Variants in NTAN1 observed in about 807,000 individuals in gnomAD.
NTAN1 encodes the protein N-terminal asparagine amidase.
Under a neutral mutation model 41.9 loss-of-function variants are expected in NTAN1, and 32 were observed. That is an observed-to-expected ratio of 0.76 (90% CI 0.58 to 1.03). The LOEUF is 1.03. Ranked by LOEUF, NTAN1 falls within the 50% of genes least tolerant of loss-of-function variation. NTAN1 has a pLI of 0.00. For missense variants in NTAN1, 377 were observed against 377.5 expected (o/e 1.00, Z 0.01); for synonymous variants, 140 against 139.5 (o/e 1.00, Z -0.03).
chr16:15,048,545 G>A (rs1426021787), intron 1 of NTAN1, among the ~76,000 whole-genome samples: 1 of 151,918 alleles, frequency 6.6e-6, no homozygotes, highest in African/African-American at 2.4e-5. Context: ...TAAAGAGTGT[G>A]AGACTCTTAA....
chr16:15,044,434 G>C (rs1567761149), intron 4 of NTAN1, 27 bp from the exon 5 acceptor site: 4 of 1,543,518 alleles, frequency 2.6e-6, no homozygotes, highest in Non-Finnish European at 3.6e-6. Context: ...ACGGGTCAGA[G>C]GCCAGAAGAA....
rs551523961 is a variant in NTAN1, at chr16:15,053,220, T to C, written c.81+2671A>G. ...CAAGGGCAGGCTGCCAGGGTTCCAATCCTGGCTTCACCACTCCCAGGATGT... is the reference window on the plus strand; with the variant it reads ...CAAGGGCAGGCTGCCAGGGTTCCAACCCTGGCTTCACCACTCCCAGGATGT... On this transcript the variant is annotated intron_variant, in intron 1 of 9. Transcript: ENST00000287706. Among the ~76,000 whole-genome samples the C allele has an allele frequency of 3.3e-5, 5 of 152,372 alleles. No individual in the cohort carries two copies. The East Asian group carries it at 9.6e-4, about 29-fold the overall frequency.
At chr16:15,042,084 C>T (rs1038603901) in intron 5 of NTAN1, among the ~76,000 whole-genome samples, 2 of 152,114 alleles carry the variant, frequency 1.3e-5, no homozygotes, top group African/African-American at 2.4e-5. Context: ...ATAAGGAAGT[C>T]GGTTTTTAAT....
intron 1 of NTAN1, 59 bp downstream of exon 1, chr16:15,055,832 G>T (rs1338814309): frequency 2.1e-6 from 2 of 935,960 alleles, no homozygotes; most frequent in Admixed American, 4.3e-5. Flanking sequence ...GGGGGCGCTA[G>T]CCCGCCCTGC....
At chr16:15,051,010 G>A (rs2044271196) in intron 1 of NTAN1, among the ~76,000 whole-genome samples, 1 of 152,236 alleles carries the variant, frequency 6.6e-6, no homozygotes, top group Admixed American at 6.5e-5. Flanking sequence ...ACAGGTGACA[G>A]CCTCTCATTT....
Position 15,049,691 on chromosome 16 carries a change from G to A in NTAN1, c.82-1592C>T, listed in dbSNP as rs146864278. Among the ~76,000 whole-genome samples the A allele has an allele frequency of 5.8e-3, 885 of 152,222 alleles. 4 individuals are homozygous for A. Among genetic ancestry groups the A allele is most frequent in the South Asian group, 0.018 (87 of 4,820 alleles). On this transcript the variant is annotated intron_variant, in intron 1 of 9. Coordinates refer to ENST00000287706, the MANE Select transcript of NTAN1 (RefSeq NM_173474.4). ...TCCACCTGCCTTGGCCTCCCAAGGT[G>A]CTGGGATTATAGCATGAGCCACCAT...
intron 7 of NTAN1, chr16:15,040,576 T>G: frequency 5.8e-6 from 1 of 172,870 alleles, no homozygotes; most frequent in Non-Finnish European, 1.2e-5. Context: ...TCCGCGGGAG[T>G]CCTGGGGCTG....
At chr16:15,040,950 G>A (rs568793972) in intron 7 of NTAN1, 118 bp downstream of exon 7, 12 of 746,238 alleles carry the variant, frequency 1.6e-5, no homozygotes, top group Non-Finnish European at 2.9e-5. Context: ...CGGAGTAGCT[G>A]GGATCTGAAC....
chr16:15,053,931 A>AAC (rs1567775257), intron 1 of NTAN1, among the ~76,000 whole-genome samples: 1 of 149,782 alleles, frequency 6.7e-6, no homozygotes, highest in East Asian at 1.9e-4. Context: ...AACCAACCAA[A>AAC]CAAACAAACA....
intron 1 of NTAN1, 127 bp downstream of exon 1, chr16:15,055,764 G>A: frequency 4.2e-6 from 2 of 471,238 alleles, no homozygotes. Context: ...GACGCGAGCC[G>A]ACGGCCGGGG....
At chr16:15,046,307 G>A (rs951758372) in intron 4 of NTAN1, among the ~76,000 whole-genome samples, 1 of 152,180 alleles carries the variant, frequency 6.6e-6, no homozygotes, top group African/African-American at 2.4e-5. Flanking sequence ...TATGATGGGA[G>A]TAGTTCACTC....
chr16:15,038,363 T>TTGAG, intron 9 of NTAN1, 153 bp from the exon 10 acceptor site: 1 of 540,502 alleles, frequency 1.9e-6, no homozygotes, highest in Non-Finnish European at 3.2e-6. Flanking sequence ...AAAAAGTTGA[T>TTGAG]TGCTTACTGC....
intron 7 of NTAN1, among the ~76,000 whole-genome samples, chr16:15,040,783 GCACTTTCC>G (rs1318529053): frequency 6.6e-6 from 1 of 152,146 alleles, no homozygotes; most frequent in Non-Finnish European, 1.5e-5. Context: ...ACAAAACCAG[GCACTTTCC>G]CAGCTCCTGG....
At chr16:15,050,329 C>T (rs772497557) in intron 1 of NTAN1, among the ~76,000 whole-genome samples, 4 of 152,178 alleles carry the variant, frequency 2.6e-5, no homozygotes, top group Admixed American at 2.6e-4. Context: ...GTCTAGACAA[C>T]GTATGTATGT....
At chr16:15,046,361 C>G (rs2044062399) in intron 4 of NTAN1, among the ~76,000 whole-genome samples, 1 of 152,182 alleles carries the variant, frequency 6.6e-6, no homozygotes, top group Non-Finnish European at 1.5e-5. Flanking sequence ...CAACACCTGC[C>G]AGGTCTCCAC....
chr16:15,054,572 G>C (rs1204269692), intron 1 of NTAN1, among the ~76,000 whole-genome samples: 1 of 152,186 alleles, frequency 6.6e-6, no homozygotes, highest in African/African-American at 2.4e-5. Flanking sequence ...GCCTAGCTCG[G>C]TGCATGTTGG....
chr16:15,051,066 G>C (rs1356860653), intron 1 of NTAN1, among the ~76,000 whole-genome samples: 10 of 152,178 alleles, frequency 6.6e-5, no homozygotes, highest in African/African-American at 2.4e-4. Context: ...TAACAGGGGA[G>C]AATTCAGAAT....
intron 5 of NTAN1, among the ~76,000 whole-genome samples, chr16:15,042,813 A>G (rs1367396849): frequency 2.0e-5 from 3 of 151,224 alleles, no homozygotes; most frequent in Non-Finnish European, 2.9e-5. Flanking sequence ...GCTCACTGCA[A>G]CCTCCACCTC....
intron 7 of NTAN1, 59 bp from the exon 8 acceptor site, chr16:15,040,125 C>A: frequency 1.1e-6 from 1 of 935,518 alleles, no homozygotes; most frequent in Non-Finnish European, 1.7e-6. Flanking sequence ...AAAGTCTGCA[C>A]AGTCTTACAT....
Sources: allele counts gnomAD v4.1 joint callset (sites outside exome capture counted in the v4.1 genomes callset), GRCh38; gene constraint gnomAD v4.1.1; transcripts MANE v1.5; gene names NCBI Gene and HGNC (gene_info 2026-07-23, HGNC 2026-07-21).